Variants in CAV1 observed in about 807,000 individuals in gnomAD.
CAV1 encodes caveolin 1.
CAV1 carries 10 observed loss-of-function variants against 16.5 expected under a neutral mutation model. That is an observed-to-expected ratio of 0.61 (90% CI 0.37 to 1.03). The LOEUF (loss-of-function observed/expected upper bound fraction) is 1.03. CAV1 is among the 50% of genes least tolerant of loss of function. The pLI is 0.01. For synonymous variants in CAV1, 76 were observed against 85.1 expected, an observed-to-expected ratio of 0.89 and a Z score of 0.59; for missense variants, 212 against 232.8, an observed-to-expected ratio of 0.91 and a Z score of 0.58.
At position 116,537,706 on chromosome 7, in the gene CAV1, A is replaced by G. The variant is rs140836454; in HGVS notation, c.195+11017A>G. Among the ~76,000 whole-genome samples, 98 of 152,310 alleles carry G rather than the reference A, an allele frequency of 6.4e-4. 1 individual carries two copies. The highest frequency in any genetic ancestry group is 2.2e-3 in the African/African-American group (90 of 41,572). ...CACACTGGGTGAGCAGCTTATGGTGATTCCAGACATGATCTCTGTTGGGAG... is the reference window on the plus strand; with the variant it reads ...CACACTGGGTGAGCAGCTTATGGTGGTTCCAGACATGATCTCTGTTGGGAG... On this transcript the variant is annotated intron_variant, in intron 2 of 2. Transcript: ENST00000341049.
chr7:116,534,388 TATATA>T (rs1562830024), intron 2 of CAV1, among the ~76,000 whole-genome samples: 22 of 15,154 alleles, frequency 1.5e-3, no homozygotes, highest in African/African-American at 4.6e-3. Flanking sequence ...TATATATATA[TATATA>T]TATTTTTTTT....
Position 116,560,641 on chromosome 7 carries a change from A to G in CAV1, c.*1354A>G, listed in dbSNP as rs1403578420. 1 of 152,654 alleles carries G rather than the reference A, an allele frequency of 6.6e-6. No individual in the cohort carries two copies. The highest frequency in any genetic ancestry group is 1.5e-5 in the Non-Finnish European group (1 of 68,036). The allele number at this position is 152,654 out of a possible 1,614,324, so 9.5% of individuals were successfully genotyped here. A position where few individuals can be genotyped will look rare whatever the true frequency, so the allele number is the denominator to read the frequency against. On this transcript the variant is annotated 3_prime_UTR_variant, in exon 3 of 3. Transcript: ENST00000341049. Reference sequence around the variant, plus strand: ...ACTCAAACTGAGGAATTTCACCTGTAAACCTGAGTCGTACAGAAAGCTGCC... The same window carrying G: ...ACTCAAACTGAGGAATTTCACCTGTGAACCTGAGTCGTACAGAAAGCTGCC...
intron 2 of CAV1, among the ~76,000 whole-genome samples, chr7:116,544,506 G>GAAAT (rs983510325): frequency 3.2e-4 from 49 of 151,984 alleles, no homozygotes; most frequent in African/African-American, 1.1e-3. Flanking sequence ...TAGGCTAGAT[G>GAAAT]AAATAAATAA....
intron 1 of CAV1, chr7:116,525,808 G>A: frequency 9.7e-7 from 1 of 1,033,352 alleles, no homozygotes; most frequent in Non-Finnish European, 1.2e-6. Context: ...CTGCGCAGGT[G>A]AGACTGAGTT....
chr7:116,533,381 A>G (rs1352787213), intron 2 of CAV1, among the ~76,000 whole-genome samples: 1 of 123,724 alleles, frequency 8.1e-6, no homozygotes, highest in Non-Finnish European at 1.7e-5. Context: ...ATAAAATAAA[A>G]TAAAATAAAA....
In CAV1 at chr7:116,560,068, G is replaced by C; in HGVS notation, c.*781G>C. 2.7e-6 allele frequency: 1 copy of C among 374,904 alleles called. No individual in the cohort carries two copies. Among genetic ancestry groups the C allele is most frequent in the Admixed American group, 4.6e-5 (1 of 21,922 alleles). The allele number at this position is 374,904 out of a possible 1,614,324, so 23.2% of individuals were successfully genotyped here. ...GACCTAGTTTTCCATGCGTGTTTCT[G>C]ACTCTGAGCTACAGAGTCTGGTGAA... On this transcript the variant is annotated 3_prime_UTR_variant, in exon 3 of 3. Transcript: ENST00000341049.
Position 116,555,081 on chromosome 7 carries a change from G to A in CAV1, c.196-3865G>A, listed in dbSNP as rs74681146. The stretch of plus-strand genomic sequence containing the variant: ...AATTAGCTCTTTTGAGCCACTGGTG[G>A]GGTTTAAATTCCCAGCCCTTATGTG... On this transcript the variant is annotated intron_variant, in intron 2 of 2. Coordinates refer to ENST00000341049, the MANE Select transcript of CAV1 (RefSeq NM_001753.5). Among the ~76,000 whole-genome samples, 19 of 152,154 alleles carry A rather than the reference G, an allele frequency of 1.2e-4. No homozygotes were observed. The East Asian group carries it at 3.5e-3, about 28-fold the overall frequency.
chr7:116,525,023 G>A, upstream of CAV1: 1 of 1,613,644 alleles, frequency 6.2e-7, no homozygotes, highest in Non-Finnish European at 8.5e-7. Context: ...GCACAGCCCA[G>A]GGAAACCTCC....
intron 2 of CAV1, 132 bp downstream of exon 2, chr7:116,526,821 C>CAG: frequency 9.7e-7 from 1 of 1,034,206 alleles, no homozygotes; most frequent in Non-Finnish European, 1.4e-6. Flanking sequence ...CACACACACA[C>CAG]AGAGTTTTGT....
chr7:116,525,236 G>T (rs762056247), intron 1 of CAV1, 144 bp downstream of exon 1: 4 of 1,610,334 alleles, frequency 2.5e-6, no homozygotes. Context: ...CACCGCTGAG[G>T]AATGGGCCTG....
chr7:116,555,368 G>C (rs1794238415), intron 2 of CAV1, among the ~76,000 whole-genome samples: 1 of 150,462 alleles, frequency 6.6e-6, no homozygotes, highest in African/African-American at 2.5e-5. Flanking sequence ...GAGCCCAGGA[G>C]GTCAAGGCTG....
intron 2 of CAV1, among the ~76,000 whole-genome samples, chr7:116,533,994 A>G (rs2084575559): frequency 6.6e-6 from 1 of 152,112 alleles, no homozygotes; most frequent in Non-Finnish European, 1.5e-5. Context: ...AGGCAGGCGG[A>G]TCAACTGAGG....
At chr7:116,526,355 G>A in intron 1 of CAV1, 170 bp from the exon 2 acceptor site, 6 of 1,492,806 alleles carry the variant, frequency 4.0e-6, no homozygotes, top group Non-Finnish European at 5.3e-6. Context: ...ACGCGCAGGC[G>A]GTTTCTGTGC....
At chr7:116,544,765 G>A (rs1350562645) in intron 2 of CAV1, among the ~76,000 whole-genome samples, 2 of 152,156 alleles carry the variant, frequency 1.3e-5, no homozygotes, top group Non-Finnish European at 2.9e-5. Flanking sequence ...AGAGAGGCAA[G>A]TACGAAAATG....
At position 116,560,026 on chromosome 7, in the gene CAV1, A is replaced by G. The variant is rs540955207; in HGVS notation, c.*739A>G. 1 of 394,804 alleles carries G rather than the reference A, an allele frequency of 2.5e-6. No individual in the cohort carries two copies. The highest frequency in any genetic ancestry group is 1.4e-4 in the South Asian group (1 of 6,982). 24.5% of individuals were successfully genotyped at this position (394,804 alleles called of 1,614,324 possible). ...TAGGTCAGCAGCCTCCCTGAAGACC[A>G]AAATTAGAATATCCATGACCTAGTT... On this transcript the variant is annotated 3_prime_UTR_variant, in exon 3 of 3. Coordinates refer to ENST00000341049, the MANE Select transcript of CAV1 (RefSeq NM_001753.5).
At chr7:116,549,782 T>C (rs971432310) in intron 2 of CAV1, among the ~76,000 whole-genome samples, 2 of 152,162 alleles carry the variant, frequency 1.3e-5, no homozygotes, top group East Asian at 3.9e-4. Flanking sequence ...TGAAGAAATA[T>C]TTACATGCTA....
chr7:116,555,588 GAA>G (rs1491417793), intron 2 of CAV1, among the ~76,000 whole-genome samples: 40 of 74,824 alleles, frequency 5.3e-4, no homozygotes, highest in East Asian at 3.2e-3. Context: ...AAGAAAGAAA[GAA>G]AGAAAGAAAG....
Position 116,525,111 on chromosome 7 carries a change from G to T in CAV1, c.30+19G>T, listed in dbSNP as rs199648364. 6.2e-7 allele frequency: 1 copy of T among 1,614,082 alleles called. No homozygotes were observed. On this transcript the variant is annotated intron_variant, in intron 1 of 2. Transcript: ENST00000341049. ...CTCGGAGGTAGGCATCCGTGGGGGG[G>T]CGCCGGCTCGGGCGTGCGGGGAGTG...
At chr7:116,536,519 C>T (rs1391278811) in intron 2 of CAV1, among the ~76,000 whole-genome samples, 3 of 152,284 alleles carry the variant, frequency 2.0e-5, no homozygotes, top group East Asian at 3.9e-4. Flanking sequence ...AACAGGGTCC[C>T]AGCAGAGGGA....
Sources: gnomAD v4.1 joint callset for allele counts (sites outside exome capture counted in the v4.1 genomes callset) on GRCh38, gnomAD v4.1.1 for gene constraint, MANE v1.5 for transcripts, NCBI Gene and HGNC (gene_info 2026-07-23, HGNC 2026-07-21) for gene names.